NPTN: variants seen among roughly 807,000 people sequenced by gnomAD.
NPTN encodes the protein neuroplastin, also known as SDR-1.
Under a neutral mutation model 42.7 loss-of-function variants are expected in NPTN, and 5 were observed. The ratio of observed to expected loss-of-function variants is 0.12; its 90% CI spans 0.06 to 0.25. The LOEUF (loss-of-function observed/expected upper bound fraction) is 0.25. NPTN is among the 10% of genes least tolerant of loss of function. The pLI is 1.00. For synonymous variants in NPTN, 180 were observed against 201.9 expected, an observed-to-expected ratio of 0.89 and a Z score of 0.92; for missense variants, 307 against 525.4, an observed-to-expected ratio of 0.58 and a Z score of 4.06.
chr15:73,632,451 C>T (rs199825061), intron 1 of NPTN, among the ~76,000 whole-genome samples: 1 of 151,950 alleles, frequency 6.6e-6, no homozygotes, highest in East Asian at 1.9e-4. Context: ...CCTCTTCCCC[C>T]AGCTCATTTG....
intron 4 of NPTN, among the ~76,000 whole-genome samples, chr15:73,575,049 T>A (rs1039527032): frequency 2.0e-5 from 3 of 152,264 alleles, no homozygotes; most frequent in African/African-American, 7.2e-5. Context: ...AATGGTGTGA[T>A]CTTGGCTCAC....
At chr15:73,624,231 C>G (rs1261114055) in intron 1 of NPTN, among the ~76,000 whole-genome samples, 1 of 152,196 alleles carries the variant, frequency 6.6e-6, no homozygotes, top group South Asian at 2.1e-4. Flanking sequence ...ACTTTTGATA[C>G]GTGATCACTA....
At chr15:73,566,291 G>GA (rs1894999786) in intron 6 of NPTN, among the ~76,000 whole-genome samples, 1 of 152,092 alleles carries the variant, frequency 6.6e-6, no homozygotes, top group Non-Finnish European at 1.5e-5. Context: ...ATAGATTTTG[G>GA]AACATTAGAA....
At chr15:73,617,268 A>T (rs1431885476) in intron 1 of NPTN, among the ~76,000 whole-genome samples, 3 of 152,238 alleles carry the variant, frequency 2.0e-5, no homozygotes, top group Non-Finnish European at 4.4e-5. Context: ...AAGGAGTAAA[A>T]GGAAGAACTT....
chr15:73,608,462 T>G lies in NPTN; in HGVS notation c.92-11093A>C, dbSNP rs72741484. Among the ~76,000 whole-genome samples, 5 of 152,306 alleles carry G rather than the reference T, an allele frequency of 3.3e-5. No homozygotes were observed. The South Asian group carries it at 8.3e-4, about 25-fold the overall frequency. On this transcript the variant is annotated intron_variant, in intron 1 of 8. Coordinates refer to ENST00000345330, the MANE Select transcript of NPTN (RefSeq NM_012428.4). ...AAGAGGAAACACCATGAGCACAGTA[T>G]TACAATTAGTAGGAATGAGTTCTAG...
At chr15:73,615,743 G>A (rs574397118) in intron 1 of NPTN, among the ~76,000 whole-genome samples, 2 of 152,184 alleles carry the variant, frequency 1.3e-5, no homozygotes, top group South Asian at 2.1e-4. Flanking sequence ...AACAAAGACC[G>A]ATTTTTAAAA....
intron 6 of NPTN, among the ~76,000 whole-genome samples, chr15:73,566,628 C>G (rs1456758888): frequency 6.6e-6 from 1 of 152,176 alleles, no homozygotes; most frequent in East Asian, 1.9e-4. Flanking sequence ...GCTGACTGCT[C>G]CTGGAGTGCA....
chr15:73,620,920 G>C (rs1333345781), intron 1 of NPTN, among the ~76,000 whole-genome samples: 1 of 152,184 alleles, frequency 6.6e-6, no homozygotes, highest in African/African-American at 2.4e-5. Flanking sequence ...AGCACTTACA[G>C]ACTGATCTAA....
In NPTN at chr15:73,560,236, C is replaced by A; in HGVS notation, c.*827G>T. On this transcript the variant is annotated 3_prime_UTR_variant, in exon 9 of 9. Transcript: ENST00000345330. ...TATAGTTGCATAGAATATTACCATGCTATAACATTTCAAGGTCATTGGAAA... is the reference window on the plus strand; with the variant it reads ...TATAGTTGCATAGAATATTACCATGATATAACATTTCAAGGTCATTGGAAA... 5.6e-6 allele frequency: 1 copy of A among 178,824 alleles called. No homozygotes were observed. Among genetic ancestry groups the A allele is most frequent in the South Asian group, 1.5e-4 (1 of 6,632 alleles). 11.1% of individuals were successfully genotyped at this position (178,824 alleles called of 1,614,324 possible).
intron 1 of NPTN, among the ~76,000 whole-genome samples, chr15:73,610,277 G>A (rs1480765910): frequency 6.6e-6 from 1 of 152,006 alleles, no homozygotes; most frequent in African/African-American, 2.4e-5. Flanking sequence ...TTGTAGAGAT[G>A]AGGGTCTTGC....
In NPTN at chr15:73,602,934, C is replaced by T. The variant is rs571865049; in HGVS notation, c.92-5565G>A. 5.3e-5 allele frequency among the ~76,000 whole-genome samples: 8 copies of T among 152,186 alleles called. No homozygotes were observed. The South Asian group carries it at 1.7e-3, about 32-fold the overall frequency. ...TCCACCCTTTATTCTGAAATTATAC[C>T]ATTCAAAATGACCAAAGGCATCTAT... On this transcript the variant is annotated intron_variant, in intron 1 of 8. Coordinates refer to ENST00000345330, the MANE Select transcript of NPTN (RefSeq NM_012428.4).
At chr15:73,599,850 A>G (rs143974534) in intron 1 of NPTN, among the ~76,000 whole-genome samples, 16 of 152,156 alleles carry the variant, frequency 1.1e-4, no homozygotes, top group African/African-American at 3.6e-4. Flanking sequence ...CAGCCTCTCA[A>G]ATGCGGTAAT....
intron 4 of NPTN, among the ~76,000 whole-genome samples, chr15:73,585,352 C>T (rs987079917): frequency 6.6e-5 from 10 of 152,158 alleles, no homozygotes; most frequent in African/African-American, 2.4e-4. Context: ...CTTATCCCCA[C>T]CCCGGAGACA....
At chr15:73,623,224 A>T (rs933314994) in intron 1 of NPTN, among the ~76,000 whole-genome samples, 7 of 152,200 alleles carry the variant, frequency 4.6e-5, no homozygotes, top group Non-Finnish European at 8.8e-5. Context: ...TAGCTTTTTG[A>T]TAACAAAAAG....
intron 1 of NPTN, among the ~76,000 whole-genome samples, chr15:73,605,107 G>GGGGC (rs1897238799): frequency 6.9e-6 from 1 of 145,340 alleles, no homozygotes; most frequent in African/African-American, 2.8e-5. Flanking sequence ...CAAGGGGGGG[G>GGGGC]GGGGAAAAGA....
intron 1 of NPTN, chr15:73,599,648 A>AGGGG (rs1555410254): frequency 1.4e-5 from 2 of 143,794 alleles, no homozygotes; most frequent in South Asian, 2.3e-4. Context: ...AAAGAAAAGG[A>AGGGG]AGGGAGGGAG....
intron 3 of NPTN, 125 bp from the exon 4 acceptor site, chr15:73,587,743 C>G: frequency 3.0e-6 from 2 of 673,620 alleles, no homozygotes; most frequent in South Asian, 3.6e-5. Context: ...TCACCTCCTT[C>G]TAACTAAAAG....
At chr15:73,609,545 C>T (rs1897465512) in intron 1 of NPTN, among the ~76,000 whole-genome samples, 1 of 152,098 alleles carries the variant, frequency 6.6e-6, no homozygotes, top group Non-Finnish European at 1.5e-5. Flanking sequence ...GCAGGAGAAT[C>T]GCTTGAACCC....
intron 6 of NPTN, 34 bp from the exon 7 acceptor site, chr15:73,563,291 GAGATA>G (rs777373413): frequency 2.5e-5 from 40 of 1,612,206 alleles, no homozygotes; most frequent in Non-Finnish European, 2.5e-5. Flanking sequence ...AAATCCATGA[GAGATA>G]AGAGAAGAAA....
Sources: gnomAD v4.1 joint callset for allele counts (sites outside exome capture counted in the v4.1 genomes callset) on GRCh38, gnomAD v4.1.1 for gene constraint, MANE v1.5 for transcripts, NCBI Gene and HGNC (gene_info 2026-07-23, HGNC 2026-07-21) for gene names.